Variants in TDRD15 observed in about 807,000 individuals in gnomAD.
TDRD15 encodes tudor domain containing 15, also known as tudor domain-containing protein 15.
For synonymous variants in TDRD15, 503 were observed against 314.5 expected (o/e 1.60, Z -6.34); for missense variants, 1,416 against 904.7 (o/e 1.57, Z -7.25).
chr2:21,128,624 T>C (rs1190735359), intron 2 of TDRD15, among the ~76,000 whole-genome samples: 1 of 152,148 alleles, frequency 6.6e-6, no homozygotes, highest in Non-Finnish European at 1.5e-5. Context: ...GCCCGGCCTG[T>C]ATTCTTTTCT....
chr2:21,140,324 A>G lies in TDRD15; in HGVS notation c.2857A>G (p.Ser953Gly), dbSNP rs1057005833. The change falls in exon 4 of 4, where the codon AGT becomes GGT. Residue 953 changes from serine (S) to glycine (G), a missense_variant. Physicochemically the swap from Ser to Gly is moderately conservative, Grantham distance 56. Transcript: ENST00000405799. ...ETFPSLFSLY[S>G]YCYSSFNIQI... ...ATTCCCATCTTTATTTAGTCTTTAC[A>G]GTTACTGTTATTCTTCCTTTAATAT... 2.1e-5 allele frequency: 15 copies of G among 713,568 alleles called. No homozygotes were observed. In the East Asian group the frequency reaches 3.5e-4, roughly 17 times the overall value. 44.2% of individuals were successfully genotyped at this position (713,568 alleles called of 1,614,324 possible).
Position 21,141,192 on chromosome 2 carries a change from C to A in TDRD15, c.3725C>A (p.Ala1242Asp), listed in dbSNP as rs529076265. The A allele has an allele frequency of 4.2e-6, 3 of 714,794 alleles. No homozygotes were observed. The South Asian group carries it at 4.5e-5, about 11-fold the overall frequency. 44.3% of individuals were successfully genotyped at this position (714,794 alleles called of 1,614,324 possible). ...AAAGGTATAAAAATTGTCCCTGGAG[C>A]TGCACATATTCTTGAGAACAGGCGT... ...GLKGIKIVPG[A>D]AHILENRRVG... Residue 1242 changes from alanine to aspartate, a missense_variant, in exon 4 of 4, where the codon GCT becomes GAT. By Grantham distance (126) the Ala-to-Asp change is moderately radical. Coordinates refer to ENST00000405799, the MANE Select transcript of TDRD15 (RefSeq NM_001306137.2).
In TDRD15 at chr2:21,140,220, A is replaced by AT. The variant is rs1665893350; in HGVS notation, c.2756dup (p.Leu919PhefsTer7). 3 of 715,254 alleles carry AT rather than the reference A, an allele frequency of 4.2e-6. No individual in the cohort carries two copies. The highest frequency in any genetic ancestry group is 7.8e-6 in the Non-Finnish European group (3 of 383,806). 44.3% of individuals were successfully genotyped at this position (715,254 alleles called of 1,614,324 possible). ...CCAAACCATTTATATAACTTAGTGGATTTACAGTCCTCATTTACTAGTGCA... is the reference window on the plus strand; with the variant it reads ...CCAAACCATTTATATAACTTAGTGGATTTTACAGTCCTCATTTACTAGTGCA... On this transcript the variant is annotated frameshift_variant, in exon 4 of 4. Transcript: ENST00000405799. LOFTEE classifies it low-confidence loss of function (END_TRUNC).
At chr2:21,130,967 A>G (rs1379227960) in intron 2 of TDRD15, among the ~76,000 whole-genome samples, 4 of 152,232 alleles carry the variant, frequency 2.6e-5, no homozygotes, top group Non-Finnish European at 4.4e-5. Flanking sequence ...TTCTGTTGAT[A>G]CTGAACTGTG....
At chr2:21,146,436 G>GACTATTTTCTCCAGAACAAACTTGTTA (rs1173862384), downstream of TDRD15, among the ~76,000 whole-genome samples, 11 of 151,958 alleles carry the variant, frequency 7.2e-5, no homozygotes, top group Non-Finnish European at 1.3e-4. Flanking sequence ...TTTATCTGTA[G>GACTATTTTCTCCAGAACAAACTTGTTA]ACTATTTTCT....
rs376629837 is a variant in TDRD15, at chr2:21,142,575, T to C, written c.5108T>C (p.Leu1703Pro). The C allele has an allele frequency of 5.2e-4, 366 of 710,274 alleles. 2 individuals are homozygous for C. Among genetic ancestry groups the C allele is most frequent in the African/African-American group, 5.1e-3 (293 of 57,022 alleles). The allele number at this position is 710,274 out of a possible 1,614,324, so 44.0% of individuals were successfully genotyped here. Residue 1703 changes from leucine to proline, a missense_variant, in exon 4 of 4, where the codon CTT becomes CCT. Coordinates refer to ENST00000405799, the MANE Select transcript of TDRD15 (RefSeq NM_001306137.2). Reference protein sequence around the residue: ...TVPVEENKLRLAEIVYNIESK... With the variant: ...TVPVEENKLRPAEIVYNIESK... ...CCTGTTGAAGAAAACAAACTTAGAC[T>C]TGCAGAAATTGTTTACAACATTGAA...
intron 3 of TDRD15, among the ~76,000 whole-genome samples, chr2:21,136,214 A>G (rs1665804381): frequency 6.6e-6 from 1 of 151,936 alleles, no homozygotes; most frequent in Non-Finnish European, 1.5e-5. Context: ...AATTGGGTGA[A>G]GGCCTGTGAC....
At chr2:21,128,702 A>C (rs1049179192) in intron 2 of TDRD15, among the ~76,000 whole-genome samples, 1 of 151,598 alleles carries the variant, frequency 6.6e-6, no homozygotes, top group Non-Finnish European at 1.5e-5. Flanking sequence ...TTGGGTTTCT[A>C]TCTTTCTTAA....
chr2:21,133,699 C>T (rs760802784), intron 2 of TDRD15, among the ~76,000 whole-genome samples: 14 of 151,878 alleles, frequency 9.2e-5, no homozygotes, highest in Non-Finnish European at 1.6e-4. Context: ...TATTATTTTA[C>T]CTGCTTTAAG....
In TDRD15 at chr2:21,137,573, A is replaced by C. The variant is rs181321692; in HGVS notation, c.106A>C (p.Ser36Arg). Residue 36 changes from serine to arginine, a missense_variant, in exon 4 of 4, where the codon AGT becomes CGT. By Grantham distance (110) the Ser-to-Arg change is moderately radical. Coordinates refer to ENST00000405799, the MANE Select transcript of TDRD15 (RefSeq NM_001306137.2). ...TCTGGTGAAATTTCAAGGCATAAAG[A>C]GTAATGAATGTGAGTTTGACTACCA... ...DILVKFQGIKSNECEFDYHVL... is the reference protein window; with the variant it reads ...DILVKFQGIKRNECEFDYHVL... The C allele has an allele frequency of 1.3e-4, 96 of 715,714 alleles. 1 individual carries two copies. Among genetic ancestry groups the C allele is most frequent in the Non-Finnish European group, 2.3e-5 (9 of 384,166 alleles). The allele number at this position is 715,714 out of a possible 1,614,324, so 44.3% of individuals were successfully genotyped here.
Position 21,142,363 on chromosome 2 carries a change from C to A in TDRD15, c.4896C>A (p.Asn1632Lys). ...NTKLLSNEIRNIPRQAVPCKW... is the reference protein window; with the variant it reads ...NTKLLSNEIRKIPRQAVPCKW... ...AGCTGCTTAGTAATGAAATAAGAAA[C>A]ATTCCTAGACAAGCTGTACCTTGTA... is the stretch of plus-strand genomic sequence containing the variant. The change falls in exon 4 of 4, where the codon AAC becomes AAA. Residue 1632 changes from asparagine to lysine, a missense_variant. Asn to Lys is a moderately conservative substitution (Grantham distance 94, BLOSUM62 0). Transcript: ENST00000405799. 1.4e-6 allele frequency: 1 copy of A among 691,412 alleles called. No homozygotes were observed. Among genetic ancestry groups the A allele is most frequent in the Non-Finnish European group, 2.7e-6 (1 of 375,910 alleles). The allele number at this position is 691,412 out of a possible 1,614,324, so 42.8% of individuals were successfully genotyped here. A position where few individuals can be genotyped will look rare whatever the true frequency, so the allele number is the denominator to read the frequency against.
chr2:21,140,867 A>G lies in TDRD15; in HGVS notation c.3400A>G (p.Lys1134Glu). ...LYDGSQYINE[K>E]IKVLLHAYGK... is the part of the protein sequence containing the mutation. ...TGATGGATCTCAATATATAAATGAG[A>G]AAATTAAAGTGTTGCTTCATGCTTA... Residue 1134 changes from lysine to glutamate, a missense_variant, in exon 4 of 4, where the codon AAA becomes GAA. Transcript: ENST00000405799. 1 of 710,992 alleles carries G rather than the reference A, an allele frequency of 1.4e-6. No homozygotes were observed. The highest frequency in any genetic ancestry group is 1.5e-5 in the South Asian group (1 of 66,152). 44.0% of individuals were successfully genotyped at this position (710,992 alleles called of 1,614,324 possible).
intron 1 of TDRD15, among the ~76,000 whole-genome samples, chr2:21,126,191 C>A (rs534558446): frequency 1.3e-5 from 2 of 152,290 alleles, no homozygotes; most frequent in East Asian, 3.9e-4. Context: ...TGGTCCCACT[C>A]GAACCTGCGC....
chr2:21,130,755 G>A (rs754241196), intron 2 of TDRD15, among the ~76,000 whole-genome samples: 5 of 152,120 alleles, frequency 3.3e-5, no homozygotes, highest in Admixed American at 2.0e-4. Context: ...CTGGCACCTC[G>A]CTGTGAATCA....
chr2:21,142,500 T>C lies in TDRD15; in HGVS notation c.5033T>C (p.Ile1678Thr). The C allele has an allele frequency of 1.4e-6, 1 of 697,914 alleles. No homozygotes were observed. Among genetic ancestry groups the C allele is most frequent in the Non-Finnish European group, 2.6e-6 (1 of 377,758 alleles). The allele number at this position is 697,914 out of a possible 1,614,324, so 43.2% of individuals were successfully genotyped here. A position where few individuals can be genotyped will look rare whatever the true frequency, so the allele number is the denominator to read the frequency against. The change falls in exon 4 of 4, where the codon ATT becomes ACT. Residue 1678 changes from isoleucine to threonine, a missense_variant. Coordinates refer to ENST00000405799, the MANE Select transcript of TDRD15 (RefSeq NM_001306137.2). ...KYLDAVWEVE[I>T]LVDDLLLLEY... ...TTAGATGCTGTTTGGGAAGTAGAAA[T>C]TTTGGTAGATGACCTGTTACTTTTG...
chr2:21,141,495 C>G lies in TDRD15; in HGVS notation c.4028C>G (p.Pro1343Arg), dbSNP rs1475577025. 1 of 715,080 alleles carries G rather than the reference C, an allele frequency of 1.4e-6. No homozygotes were observed. The highest frequency in any genetic ancestry group is 2.0e-5 in the Admixed American group (1 of 49,850). 44.3% of individuals were successfully genotyped at this position (715,080 alleles called of 1,614,324 possible). The change falls in exon 4 of 4, where the codon CCT becomes CGT. Residue 1343 changes from proline to arginine, a missense_variant. Coordinates refer to ENST00000405799, the MANE Select transcript of TDRD15 (RefSeq NM_001306137.2). The stretch of plus-strand genomic sequence containing the variant: ...TTGAGAGAGAGAAAATCAGTTAAAC[C>G]TCTAGTGGGAGATCTTGTAGTTGCA... ...RRLRERKSVKPLVGDLVVAEY... is the reference protein window; with the variant it reads ...RRLRERKSVKRLVGDLVVAEY...
rs1233384083 is a variant in TDRD15 at position 21,141,529 on chromosome 2, T to C, written c.4062T>C (p.Ser1354=). 2 of 715,132 alleles carry C rather than the reference T, an allele frequency of 2.8e-6. No homozygotes were observed. Among genetic ancestry groups the C allele is most frequent in the Admixed American group, 4.0e-5 (2 of 49,866 alleles). The allele number at this position is 715,132 out of a possible 1,614,324, so 44.3% of individuals were successfully genotyped here. Reference sequence around the variant, plus strand: ...GAGATCTTGTAGTTGCAGAATATTCTGGTGACAATGCCATTTACAGGGCAG... The same window carrying C: ...GAGATCTTGTAGTTGCAGAATATTCCGGTGACAATGCCATTTACAGGGCAG... ...LVGDLVVAEY[S]GDNAIYRAVI... is the part of the protein sequence containing the mutation. The change falls in exon 4 of 4, where the codon TCT becomes TCC. Residue 1354 remains serine (S), a synonymous_variant. Transcript: ENST00000405799.
intron 1 of TDRD15, among the ~76,000 whole-genome samples, chr2:21,127,348 G>A (rs1391092319): frequency 6.6e-6 from 1 of 152,062 alleles, no homozygotes; most frequent in Non-Finnish European, 1.5e-5. Flanking sequence ...CTCTTTAGCA[G>A]TTTGAATTTT....
At chr2:21,137,055 G>A (rs1421896582) in intron 3 of TDRD15, among the ~76,000 whole-genome samples, 1 of 152,024 alleles carries the variant, frequency 6.6e-6, no homozygotes, top group African/African-American at 2.4e-5. Context: ...GTTGGAAAGA[G>A]TTTGCATGAA....
Sources: allele counts gnomAD v4.1 joint callset (sites outside exome capture counted in the v4.1 genomes callset), GRCh38; gene constraint gnomAD v4.1.1; transcripts MANE v1.5; gene names NCBI Gene and HGNC (gene_info 2026-07-23, HGNC 2026-07-21).